The following RANBP3 variants were observed in gnomAD, a reference collection of about 807,000 sequenced individuals.
RANBP3 encodes RAN binding protein 3.
Under a neutral mutation model 77.3 loss-of-function variants are expected in RANBP3, and 14 were observed. The ratio of observed to expected loss-of-function variants is 0.18; its 90% CI spans 0.12 to 0.28. The LOEUF is 0.28. Among genes scored for constraint, RANBP3 ranks in the 10% least tolerant of loss-of-function variants. The pLI, the probability that RANBP3 is intolerant of heterozygous loss-of-function variation, is 1.00. For missense variants in RANBP3, 586 were observed against 752.3 expected (o/e 0.78, Z 2.59); for synonymous variants, 315 against 312.4 (o/e 1.01, Z -0.09).
chr19:5,953,908 G>C (rs945025399), intron 2 of RANBP3, among the ~76,000 whole-genome samples: 1 of 152,080 alleles, frequency 6.6e-6, no homozygotes, highest in African/African-American at 2.4e-5. Context: ...TTCTATCCTG[G>C]AACGATAGGA....
intron 1 of RANBP3, among the ~76,000 whole-genome samples, chr19:5,970,511 G>A (rs898856830): frequency 1.3e-5 from 2 of 152,106 alleles, no homozygotes; most frequent in African/African-American, 4.8e-5. Context: ...ACAGTGTCTG[G>A]AGACCTTTTA....
intron 11 of RANBP3, 41 bp from the exon 12 acceptor site, chr19:5,923,955 G>T: frequency 6.7e-7 from 1 of 1,490,512 alleles, no homozygotes; most frequent in Non-Finnish European, 9.3e-7. Flanking sequence ...GGGCACTTGT[G>T]TGGTCCTTCA....
chr19:5,931,565 T>G, intron 7 of RANBP3, 34 bp from the exon 8 acceptor site: 1 of 1,582,596 alleles, frequency 6.3e-7, no homozygotes, highest in Middle Eastern at 1.7e-4. Flanking sequence ...GAATCACAGG[T>G]GCTTGGCGGC....
chr19:5,925,704 C>T lies in RANBP3; in HGVS notation c.847G>A (p.Glu283Lys). 1 of 1,613,972 alleles carries T rather than the reference C, an allele frequency of 6.2e-7. No individual in the cohort carries two copies. The highest frequency in any genetic ancestry group is 8.5e-7 in the Non-Finnish European group (1 of 1,180,000). ...INESVDEADM[E>K]NAGHPSADTP... ...TCTGCGCTGGGGTGTCCAGCATTCTCCATGTCGGCTTCGTCCACGCTCTCA... is the reference window on the plus strand; with the variant it reads ...TCTGCGCTGGGGTGTCCAGCATTCTTCATGTCGGCTTCGTCCACGCTCTCA... Residue 283 changes from glutamate to lysine, a missense_variant, in exon 10 of 17, where the codon GAG (glutamate) becomes AAG (lysine). Coordinates refer to ENST00000340578, the MANE Select transcript of RANBP3 (RefSeq NM_007322.3).
intron 5 of RANBP3, among the ~76,000 whole-genome samples, chr19:5,938,702 C>T (rs972775912): frequency 6.6e-6 from 1 of 151,916 alleles, no homozygotes; most frequent in African/African-American, 2.4e-5. Flanking sequence ...CCAAAACACA[C>T]AAAAAGTTTT....
At chr19:5,932,271 C>T (rs1258161125) in intron 7 of RANBP3, among the ~76,000 whole-genome samples, 181 bp downstream of exon 7, 2 of 152,198 alleles carry the variant, frequency 1.3e-5, no homozygotes, top group African/African-American at 4.8e-5. Context: ...GTTGCCAGGG[C>T]TCAGGAGGCT....
chr19:5,945,282 A>G (rs929564700), intron 3 of RANBP3, among the ~76,000 whole-genome samples: 3 of 152,194 alleles, frequency 2.0e-5, no homozygotes, highest in African/African-American at 4.8e-5. Context: ...TCACCCCTGC[A>G]CGGGATGTTT....
At chr19:5,965,658 C>G (rs1318610318) in intron 1 of RANBP3, 1 of 152,232 alleles carries the variant, frequency 6.6e-6, no homozygotes, top group Non-Finnish European at 1.5e-5. Flanking sequence ...GGGCTGAACC[C>G]CAGCGGTGGC....
At chr19:5,954,854 T>A (rs1167522353) in intron 2 of RANBP3, among the ~76,000 whole-genome samples, 2 of 152,154 alleles carry the variant, frequency 1.3e-5, no homozygotes, top group African/African-American at 4.8e-5. Context: ...CCGCCCTGTG[T>A]GTTTACTTTC....
intron 9 of RANBP3, among the ~76,000 whole-genome samples, chr19:5,926,106 G>A (rs2057905834): frequency 6.6e-6 from 1 of 152,144 alleles, no homozygotes; most frequent in African/African-American, 2.4e-5. Context: ...CATGATAGAA[G>A]CAGAATTTCT....
rs949938450 is a variant in RANBP3 at position 5,952,460 on chromosome 19, C to G, written c.79-864G>C. 2.0e-5 allele frequency among the ~76,000 whole-genome samples: 3 copies of G among 152,204 alleles called. No individual in the cohort carries two copies. Among genetic ancestry groups the G allele is most frequent in the African/African-American group, 7.2e-5 (3 of 41,452 alleles). Reference sequence around the variant, plus strand: ...CAGCAGGGCTTCCATGGGCTGAGAGCTCTGTGGCCGTAACTCCAAGACTTT... The same window carrying G: ...CAGCAGGGCTTCCATGGGCTGAGAGGTCTGTGGCCGTAACTCCAAGACTTT... On this transcript the variant is annotated intron_variant, in intron 2 of 16. Transcript: ENST00000340578. The surrounding 1 kb of genome is among the most constrained non-coding windows in gnomAD (Gnocchi z 4.1).
intron 8 of RANBP3, 127 bp downstream of exon 8, chr19:5,931,277 A>G (rs2145081853): frequency 8.9e-7 from 1 of 1,120,460 alleles, no homozygotes; most frequent in East Asian, 2.8e-5. Flanking sequence ...GAGCCTTACA[A>G]TAGGCCCACG....
chr19:5,943,696 C>CT (rs1417041609), intron 3 of RANBP3, among the ~76,000 whole-genome samples: 3 of 152,146 alleles, frequency 2.0e-5, no homozygotes, highest in African/African-American at 7.2e-5. Context: ...GGCCCGTGTT[C>CT]TGAGGGGGCT....
chr19:5,933,389 C>T (rs751890257), intron 6 of RANBP3, 25 bp downstream of exon 6: 25 of 1,589,184 alleles, frequency 1.6e-5, no homozygotes, highest in Admixed American at 1.1e-4. Context: ...AGCCACCCCC[C>T]GCCCCAGGGA....
In RANBP3 at chr19:5,921,402, C is replaced by T; in HGVS notation, c.1210-81G>A. 1 of 1,554,524 alleles carries T rather than the reference C, an allele frequency of 6.4e-7. No homozygotes were observed. Among genetic ancestry groups the T allele is most frequent in the African/African-American group, 1.4e-5 (1 of 73,540 alleles). The stretch of plus-strand genomic sequence containing the variant: ...CACACCCTGAGAGTCGCCCTTTAGC[C>T]TGTGGGGACTGCCAGGGCCAGCCAA... On this transcript the variant is annotated intron_variant, in intron 13 of 16. Transcript: ENST00000340578. The surrounding 1 kb of genome is among the most constrained non-coding windows in gnomAD (Gnocchi z 5.3).
Position 5,934,675 on chromosome 19 carries a change from A to T in RANBP3, c.407-1196T>A, listed in dbSNP as rs181589290. Among the ~76,000 whole-genome samples, 223 of 152,204 alleles carry T rather than the reference A, an allele frequency of 1.5e-3. 1 individual carries two copies. The highest frequency in any genetic ancestry group is 5.0e-3 in the African/African-American group (208 of 41,520). On this transcript the variant is annotated intron_variant, in intron 5 of 16. Transcript: ENST00000340578. ...ACTGCAAGACCCTAACTCTACAAAA[A>T]ATTAAAAACTTAGCCAGGCATGGTG... is the stretch of plus-strand genomic sequence containing the variant.
At chr19:5,957,342 C>A (rs2058346617) in intron 2 of RANBP3, among the ~76,000 whole-genome samples, 1 of 152,196 alleles carries the variant, frequency 6.6e-6, no homozygotes, top group African/African-American at 2.4e-5. Flanking sequence ...AGGCGAGGTA[C>A]TTCCAACCAC....
Position 5,972,123 on chromosome 19 carries a change from C to T in RANBP3, c.22+5938G>A, listed in dbSNP as rs2058537712. Among the ~76,000 whole-genome samples, 7 of 152,370 alleles carry T rather than the reference C, an allele frequency of 4.6e-5. No homozygotes were observed. The South Asian group carries it at 1.4e-3, about 32-fold the overall frequency. On this transcript the variant is annotated intron_variant, in intron 1 of 16. Transcript: ENST00000340578. ...TCTGCTTGCCCTTCAGGCAAGTTTG[C>T]AACTTCTGCCTGTGGTTTTCAACTC...
intron 1 of RANBP3, among the ~76,000 whole-genome samples, chr19:5,969,991 C>T (rs945520328): frequency 1.3e-5 from 2 of 152,208 alleles, no homozygotes; most frequent in Non-Finnish European, 2.9e-5. Context: ...ATCCTATGAC[C>T]AGTGGTTCTC....
Sources: allele counts gnomAD v4.1 joint callset (sites outside exome capture counted in the v4.1 genomes callset), GRCh38; gene constraint gnomAD v4.1.1; non-coding constraint Gnocchi (gnomAD v3.1); transcripts MANE v1.5; gene names NCBI Gene and HGNC (gene_info 2026-07-23, HGNC 2026-07-21).